The following ARHGAP25 variants were observed in gnomAD, a reference collection of about 807,000 sequenced individuals.
ARHGAP25 encodes Rho GTPase activating protein 25.
ARHGAP25 carries 34 observed loss-of-function variants against 71.0 expected under a neutral mutation model. That is an observed-to-expected ratio of 0.48 (90% CI 0.36 to 0.64). The LOEUF (loss-of-function observed/expected upper bound fraction) is 0.64, where lower values mean the gene tolerates loss of function less well. Among genes scored for constraint, ARHGAP25 ranks in the 30% least tolerant of loss-of-function variants. The pLI, the probability that ARHGAP25 is intolerant of heterozygous loss-of-function variation, is 0.00. For missense variants in ARHGAP25, 706 were observed against 805.1 expected (o/e 0.88, Z 1.49); for synonymous variants, 282 against 296.5 (o/e 0.95, Z 0.50).
rs1682159557 is a variant in ARHGAP25 at position 68,826,675 on chromosome 2, G to A, written c.*481G>A. 4.6e-6 allele frequency: 1 copy of A among 217,424 alleles called. No homozygotes were observed. The highest frequency in any genetic ancestry group is 5.3e-5 in the Admixed American group (1 of 19,038). 13.5% of individuals were successfully genotyped at this position (217,424 alleles called of 1,614,324 possible). On this transcript the variant is annotated 3_prime_UTR_variant, in exon 11 of 11. Transcript: ENST00000409202. ...CTGTGTTTGGGGGGCTGCATCTGCTGAAGCGAGAACCCCATTCTGCCACCC... is the reference window on the plus strand; with the variant it reads ...CTGTGTTTGGGGGGCTGCATCTGCTAAAGCGAGAACCCCATTCTGCCACCC...
intron 4 of ARHGAP25, among the ~76,000 whole-genome samples, chr2:68,805,912 G>A (rs939073905): frequency 3.3e-5 from 5 of 151,552 alleles, no homozygotes; most frequent in Non-Finnish European, 5.9e-5. Flanking sequence ...CAGAAGCCAC[G>A]GCCTGTCTTC....
In ARHGAP25 at chr2:68,753,708, G is replaced by A. The variant is rs1011808646; in HGVS notation, c.61+18448G>A. Among the ~76,000 whole-genome samples, 7 of 152,054 alleles carry A rather than the reference G, an allele frequency of 4.6e-5. No individual in the cohort carries two copies. The South Asian group carries it at 6.2e-4, about 14-fold the overall frequency. On this transcript the variant is annotated intron_variant, in intron 1 of 10. Coordinates refer to ENST00000409202, the MANE Select transcript of ARHGAP25 (RefSeq NM_001007231.3). ...TTTCCCACGTTCTCATGTTTTTTCA[G>A]GTTACTTACCTCAACAAGTCGCTGT...
chr2:68,799,666 G>A (rs551017152), intron 4 of ARHGAP25, among the ~76,000 whole-genome samples: 3 of 152,272 alleles, frequency 2.0e-5, no homozygotes, highest in African/African-American at 2.4e-5. Flanking sequence ...TTTTTATTGC[G>A]GTCCTTGACA....
At chr2:68,728,633 A>T (rs1674936727) in intron 2 of ARHGAP25, among the ~76,000 whole-genome samples, 1 of 152,192 alleles carries the variant, frequency 6.6e-6, no homozygotes, top group Non-Finnish European at 1.5e-5. Flanking sequence ...ATGGTGGCTC[A>T]CACCTGTAAT....
chr2:68,761,055 A>C (rs1011185933), intron 1 of ARHGAP25, among the ~76,000 whole-genome samples: 3 of 152,186 alleles, frequency 2.0e-5, no homozygotes, highest in African/African-American at 7.2e-5. Context: ...ATAGATGTAG[A>C]GGTCACATAC....
chr2:68,803,928 G>A (rs78235705), intron 4 of ARHGAP25, among the ~76,000 whole-genome samples: 5,045 of 152,280 alleles, frequency 0.033, 104 homozygotes, highest in Non-Finnish European at 0.05. Context: ...GCAGAGATTG[G>A]AAGGATAAAT....
chr2:68,720,269 A>G (rs1210293598), intron 2 of ARHGAP25, among the ~76,000 whole-genome samples: 2 of 149,288 alleles, frequency 1.3e-5, no homozygotes, highest in Admixed American at 1.4e-4. Flanking sequence ...GAGCCATGGG[A>G]TGAAACTGGG....
chr2:68,727,017 T>G (rs1674899853), intron 2 of ARHGAP25, among the ~76,000 whole-genome samples: 1 of 152,230 alleles, frequency 6.6e-6, no homozygotes, highest in Non-Finnish European at 1.5e-5. Flanking sequence ...TATAGACTAT[T>G]AAAATCCAAA....
At chr2:68,810,795 T>G (rs2311414) in intron 5 of ARHGAP25, among the ~76,000 whole-genome samples, 84,655 of 149,064 alleles carry the variant, frequency 0.57, 24,522 homozygotes, top group East Asian at 0.87. Flanking sequence ...AGGCTAGAGT[T>G]CAGTGGTGTG....
chr2:68,799,208 C>T (rs188719638), intron 4 of ARHGAP25, among the ~76,000 whole-genome samples: 10 of 152,206 alleles, frequency 6.6e-5, no homozygotes, highest in Admixed American at 2.6e-4. Context: ...CAGATGAGTC[C>T]GTGATTCCTG....
At chr2:68,725,110 C>T (rs1025483770) in intron 2 of ARHGAP25, among the ~76,000 whole-genome samples, 2 of 152,148 alleles carry the variant, frequency 1.3e-5, no homozygotes, top group African/African-American at 4.8e-5. Flanking sequence ...GACTAGACTC[C>T]AGCCCCACCT....
At chr2:68,716,743 C>T (rs2104250683) in intron 2 of ARHGAP25, among the ~76,000 whole-genome samples, 1 of 152,332 alleles carries the variant, frequency 6.6e-6, no homozygotes, top group African/African-American at 2.4e-5. Context: ...ACCGTGGGAT[C>T]TTAGGGTCAT....
intron 2 of ARHGAP25, among the ~76,000 whole-genome samples, chr2:68,727,119 C>A (rs1316355759): frequency 2.0e-5 from 3 of 152,170 alleles, no homozygotes; most frequent in Non-Finnish European, 4.4e-5. Flanking sequence ...AAGATACAGC[C>A]ATCCGGCCTA....
At chr2:68,726,753 T>C (rs918527258) in intron 2 of ARHGAP25, among the ~76,000 whole-genome samples, 1 of 152,164 alleles carries the variant, frequency 6.6e-6, no homozygotes, top group Admixed American at 6.5e-5. Context: ...AACTGACTGC[T>C]CAGGGCTGGG....
intron 3 of ARHGAP25, among the ~76,000 whole-genome samples, chr2:68,786,323 T>C (rs1192157201): frequency 6.6e-6 from 1 of 152,132 alleles, no homozygotes; most frequent in Non-Finnish European, 1.5e-5. Context: ...CAGATAAATT[T>C]TGTCCAAGGT....
At chr2:68,814,084 C>G (rs2103670579) in intron 6 of ARHGAP25, among the ~76,000 whole-genome samples, 1 of 152,240 alleles carries the variant, frequency 6.6e-6, no homozygotes, top group South Asian at 2.1e-4. Context: ...CAACAATAAA[C>G]CTTGATGATT....
chr2:68,750,621 G>A (rs58854852), intron 1 of ARHGAP25, among the ~76,000 whole-genome samples: 4,071 of 152,180 alleles, frequency 0.027, 197 homozygotes, highest in African/African-American at 0.093. Context: ...GCACCGGGCC[G>A]AGCACTTTTT....
At chr2:68,711,268 T>C (rs1674475747) in intron 2 of ARHGAP25, among the ~76,000 whole-genome samples, 2 of 152,212 alleles carry the variant, frequency 1.3e-5, no homozygotes, top group African/African-American at 4.8e-5. Context: ...AATTTTCCCA[T>C]AAGTCCTTCT....
chr2:68,740,535 T>C (rs991412229), intron 1 of ARHGAP25, among the ~76,000 whole-genome samples: 1 of 152,150 alleles, frequency 6.6e-6, no homozygotes, highest in Non-Finnish European at 1.5e-5. Flanking sequence ...CATCTGGGTC[T>C]CCCTTACCAC....
Sources: allele counts gnomAD v4.1 joint callset (sites outside exome capture counted in the v4.1 genomes callset), GRCh38; gene constraint gnomAD v4.1.1; transcripts MANE v1.5; gene names NCBI Gene and HGNC (gene_info 2026-07-23, HGNC 2026-07-21).